The following TRAF7 variants were observed in gnomAD, a reference collection of about 807,000 sequenced individuals.
The protein encoded by TRAF7 is E3 ubiquitin-protein ligase TRAF7.
A neutral mutation model predicts 89.3 loss-of-function variants in TRAF7; 45 were observed. That is an observed-to-expected ratio of 0.50 (90% CI 0.40 to 0.65). The LOEUF (loss-of-function observed/expected upper bound fraction) is 0.65, where lower values mean the gene tolerates loss of function less well. TRAF7 is among the 30% of genes least tolerant of loss of function. The probability of loss-of-function intolerance (pLI) is 0.00; values close to 1 mark genes in which losing one functional copy is unlikely to be tolerated. For synonymous variants in TRAF7, 406 were observed against 369.2 expected (o/e 1.10, Z -1.14); for missense variants, 677 against 918.1 (o/e 0.74, Z 3.39).
intron 6 of TRAF7, 81 bp downstream of exon 6, chr16:2,171,437 G>A: frequency 2.0e-6 from 3 of 1,533,962 alleles, no homozygotes; most frequent in Non-Finnish European, 2.6e-6. Context: ...CGGGGCTGTG[G>A]CGCCCTGGCC....
intron 12 of TRAF7, 31 bp from the exon 13 acceptor site, chr16:2,173,890 G>C (rs561598650): frequency 2.3e-5 from 22 of 947,344 alleles, no homozygotes; most frequent in Admixed American, 5.2e-5. Context: ...GGCCCCAACT[G>C]GGCCTTCACC....
At position 2,176,909 on chromosome 16, in the gene TRAF7, C is replaced by T. The variant is rs2093139468; in HGVS notation, c.*335C>T. On this transcript the variant is annotated 3_prime_UTR_variant, in exon 21 of 21. Coordinates refer to ENST00000326181, the MANE Select transcript of TRAF7 (RefSeq NM_032271.3). ...GACTGTATGTAGATTTGGTTACCTCCTGGTTGAAATAAATGCTCCACAGAC... is the reference window on the plus strand; with the variant it reads ...GACTGTATGTAGATTTGGTTACCTCTTGGTTGAAATAAATGCTCCACAGAC... 2.0e-6 allele frequency: 1 copy of T among 499,698 alleles called. No individual in the cohort carries two copies. The highest frequency in any genetic ancestry group is 3.7e-6 in the Non-Finnish European group (1 of 272,994). 31.0% of individuals were successfully genotyped at this position (499,698 alleles called of 1,614,324 possible). A position where few individuals can be genotyped will look rare whatever the true frequency, so the allele number is the denominator to read the frequency against.
intron 1 of TRAF7, among the ~76,000 whole-genome samples, chr16:2,160,718 C>G (rs2093055125): frequency 6.6e-6 from 1 of 152,094 alleles, no homozygotes; most frequent in Non-Finnish European, 1.5e-5. Context: ...ACCCCCACTT[C>G]CCCAGCACTG....
chr16:2,159,997 C>T lies in TRAF7; in HGVS notation c.-38-3886C>T, dbSNP rs1218862780. ...CATCCCACATGCCCCCAGGGCGATG[C>T]CCCAGCAGAGCCCTCTAAGCCCAGC... On this transcript the variant is annotated intron_variant, in intron 1 of 20. Transcript: ENST00000326181. This position sits in a 1 kb window ranked among gnomAD's most constrained non-coding sequence, Gnocchi z 6.5. 6.6e-6 allele frequency among the ~76,000 whole-genome samples: 1 copy of T among 152,220 alleles called. No homozygotes were observed. The highest frequency in any genetic ancestry group is 2.4e-5 in the African/African-American group (1 of 41,460).
chr16:2,173,791 G>A lies in TRAF7; in HGVS notation c.1090G>A (p.Glu364Lys). The A allele has an allele frequency of 1.9e-6, 3 of 1,610,508 alleles. No individual in the cohort carries two copies. Among genetic ancestry groups the A allele is most frequent in the Non-Finnish European group, 2.5e-6 (3 of 1,179,792 alleles). ...TGCCCTGCCCTTGGCCCTGCAGGACGAGCTGTCCCACATCAACGCGCGGCT... is the reference window on the plus strand; with the variant it reads ...TGCCCTGCCCTTGGCCCTGCAGGACAAGCTGTCCCACATCAACGCGCGGCT... ...FRRDASMLND[E>K]LSHINARLNM... Residue 364 changes from glutamate to lysine, a missense_variant, in exon 12 of 21, where the codon GAG becomes AAG. By Grantham distance (56) the Glu-to-Lys change is moderately conservative. This residue lies in a region of TRAF7 where 238 missense variants were observed against 352.6 expected (regional missense o/e 0.67). Coordinates refer to ENST00000326181, the MANE Select transcript of TRAF7 (RefSeq NM_032271.3).
chr16:2,176,680 T>A lies in TRAF7; in HGVS notation c.*106T>A. On this transcript the variant is annotated 3_prime_UTR_variant, in exon 21 of 21. Transcript: ENST00000326181. ...GGGGTTTCTGCCTGCCCCGTGGGCA[T>A]AGGTGGACAGGCTCTGGCAGCCGGG... 1 of 1,548,312 alleles carries A rather than the reference T, an allele frequency of 6.5e-7. No individual in the cohort carries two copies. Among genetic ancestry groups the A allele is most frequent in the Non-Finnish European group, 8.9e-7 (1 of 1,127,556 alleles).
At chr16:2,174,181 A>G (rs1488159385) in intron 13 of TRAF7, 70 bp from the exon 14 acceptor site, 2 of 1,595,168 alleles carry the variant, frequency 1.3e-6, no homozygotes, top group Admixed American at 1.7e-5. Context: ...TCCCTCACTC[A>G]TTCCTGTCAT....
chr16:2,175,451 C>G, intron 16 of TRAF7, 34 bp downstream of exon 16: 1 of 1,612,292 alleles, frequency 6.2e-7, no homozygotes, highest in Non-Finnish European at 8.5e-7. Flanking sequence ...GTGTGTGTCA[C>G]TGAGGCGTCC....
chr16:2,173,696 A>C (rs1453979098), intron 11 of TRAF7, 92 bp from the exon 12 acceptor site: 1 of 1,577,706 alleles, frequency 6.3e-7, no homozygotes, highest in Non-Finnish European at 8.6e-7. Flanking sequence ...ACCCCTGCCC[A>C]CCCCTGGCCC....
In TRAF7 at chr16:2,174,348, A is replaced by G. The variant is rs1217211451; in HGVS notation, c.1346+15A>G. ...TGCATCCAGGGGTGAGTCCAGGCAC[A>G]TGTGTGATCAGTGATTCCCAGGACA... On this transcript the variant is annotated intron_variant, in intron 14 of 20. Transcript: ENST00000326181. The G allele has an allele frequency of 1.2e-6, 2 of 1,605,858 alleles. No homozygotes were observed. The highest frequency in any genetic ancestry group is 1.7e-6 in the Non-Finnish European group (2 of 1,174,038).
Position 2,177,905 on chromosome 16 carries a change from G to A in TRAF7, c.*1331G>A, listed in dbSNP as rs1276866332. The stretch of plus-strand genomic sequence containing the variant: ...GCCTTCCACCTGTGCTAGCAGCCTG[G>A]GGCCTCCACTCTGGCCGGAGGAAGG... On this transcript the variant is annotated 3_prime_UTR_variant, in exon 21 of 21. Transcript: ENST00000326181. 1 of 328,646 alleles carries A rather than the reference G, an allele frequency of 3.0e-6. No homozygotes were observed. The highest frequency in any genetic ancestry group is 5.7e-6 in the Non-Finnish European group (1 of 174,640). 20.4% of individuals were successfully genotyped at this position (328,646 alleles called of 1,614,324 possible).
chr16:2,164,166 G>GCA (rs752527560), intron 2 of TRAF7, among the ~76,000 whole-genome samples, 165 bp downstream of exon 2: 125 of 89,916 alleles, frequency 1.4e-3, no homozygotes, highest in Admixed American at 3.9e-3. Context: ...GTGTGCGCGC[G>GCA]CGCGCGCGCG....
At chr16:2,171,484 G>A in intron 6 of TRAF7, 88 bp from the exon 7 acceptor site, 1 of 1,590,072 alleles carries the variant, frequency 6.3e-7, no homozygotes, top group Non-Finnish European at 8.6e-7. Flanking sequence ...TGGGCTTGGG[G>A]TACAGCGAGG....
intron 7 of TRAF7, 102 bp from the exon 8 acceptor site, chr16:2,172,089 C>T (rs1033791115): frequency 4.6e-5 from 65 of 1,427,792 alleles, no homozygotes; most frequent in Admixed American, 5.9e-5. Flanking sequence ...GCCTCAGAGG[C>T]GCAGATGGAC....
chr16:2,177,306 C>T lies in TRAF7; in HGVS notation c.*732C>T. 4.3e-6 allele frequency: 1 copy of T among 234,866 alleles called. No homozygotes were observed. Among genetic ancestry groups the T allele is most frequent in the Non-Finnish European group, 8.4e-6 (1 of 118,970 alleles). 14.5% of individuals were successfully genotyped at this position (234,866 alleles called of 1,614,324 possible). Reference sequence around the variant, plus strand: ...CTGGGGGGACAGCTGGGCACGTCCACTCGCAGGGAAACACGGGGTGAGACA... The same window carrying T: ...CTGGGGGGACAGCTGGGCACGTCCATTCGCAGGGAAACACGGGGTGAGACA... On this transcript the variant is annotated 3_prime_UTR_variant, in exon 21 of 21. Transcript: ENST00000326181.
chr16:2,173,868 C>G, intron 12 of TRAF7, 32 bp downstream of exon 12: 1 of 1,601,740 alleles, frequency 6.2e-7, no homozygotes, highest in Non-Finnish European at 8.5e-7. Context: ...CTCCCGCCCA[C>G]CCTCCCCCCC....
At chr16:2,172,877 G>A (rs1394444350) in intron 9 of TRAF7, among the ~76,000 whole-genome samples, 2 of 152,088 alleles carry the variant, frequency 1.3e-5, no homozygotes, top group Non-Finnish European at 2.9e-5. Context: ...GGGGTGGGAG[G>A]AGAGGCAGGA....
chr16:2,173,859 T>TGGGGCGGCCCCCCCC, intron 12 of TRAF7, 23 bp downstream of exon 12: 4 of 1,246,222 alleles, frequency 3.2e-6, no homozygotes, highest in Non-Finnish European at 4.4e-6. Flanking sequence ...CCGCCGTGGC[T>TGGGGCGGCCCCCCCC]CCCGCCCACC....
chr16:2,175,433 G>C lies in TRAF7; in HGVS notation c.1503+16G>C. The stretch of plus-strand genomic sequence containing the variant: ...GGCCATCAAGGTACGGGTGGAGGCT[G>C]TGCCTACGTGTGTGTCACTGAGGCG... On this transcript the variant is annotated intron_variant, in intron 16 of 20. Coordinates refer to ENST00000326181, the MANE Select transcript of TRAF7 (RefSeq NM_032271.3). The C allele has an allele frequency of 6.2e-7, 1 of 1,612,622 alleles. No individual in the cohort carries two copies. Among genetic ancestry groups the C allele is most frequent in the South Asian group, 1.1e-5 (1 of 91,078 alleles).
Sources: gnomAD v4.1 joint callset for allele counts (sites outside exome capture counted in the v4.1 genomes callset) on GRCh38, gnomAD v4.1.1 for gene constraint, gnomAD v4.1.1 regional missense constraint, Gnocchi (gnomAD v3.1) non-coding constraint, MANE v1.5 for transcripts, NCBI Gene and HGNC (gene_info 2026-07-23, HGNC 2026-07-21) for gene names.